L3MBTL1: variants seen among roughly 807,000 people sequenced by gnomAD.
The protein encoded by L3MBTL1 is lethal(3)malignant brain tumor-like protein 1.
Under a neutral mutation model 105.3 loss-of-function variants are expected in L3MBTL1, and 75 were observed. The observed-to-expected ratio is 0.71, with a 90% CI of 0.59 to 0.86. The LOEUF is 0.86. Among genes scored for constraint, L3MBTL1 ranks in the 40% least tolerant of loss-of-function variants. The pLI, the probability that L3MBTL1 is intolerant of heterozygous loss-of-function variation, is 0.00. For missense variants in L3MBTL1, 1,069 were observed against 1,126.4 expected, an observed-to-expected ratio of 0.95 and a Z score of 0.73; for synonymous variants, 452 against 436.2, an observed-to-expected ratio of 1.04 and a Z score of -0.45.
chr20:43,543,340 T>C (rs1489181341), downstream of L3MBTL1, among the ~76,000 whole-genome samples: 2 of 152,238 alleles, frequency 1.3e-5, no homozygotes, highest in Non-Finnish European at 2.9e-5. Flanking sequence ...CAAACCTTTC[T>C]GTCGGTTGAC....
chr20:43,523,559 G>C (rs1408129537), intron 7 of L3MBTL1: 3 of 254,290 alleles, frequency 1.2e-5, no homozygotes, highest in East Asian at 2.0e-4. Context: ...TAGTGGACCA[G>C]TATCCTGCGG....
At chr20:43,516,680 AC>A (rs1476275221) in intron 7 of L3MBTL1, among the ~76,000 whole-genome samples, 1 of 152,210 alleles carries the variant, frequency 6.6e-6, no homozygotes, top group Non-Finnish European at 1.5e-5. Context: ...TAAGTAGCAT[AC>A]TTGTAATCAC....
At chr20:43,527,585 T>A (rs1204923056) in intron 7 of L3MBTL1, among the ~76,000 whole-genome samples, 1 of 96,536 alleles carries the variant, frequency 1.0e-5, no homozygotes, top group Non-Finnish European at 2.2e-5. Flanking sequence ...AGGCTGTGTG[T>A]GTGCACATAG....
At chr20:43,522,639 A>G (rs1032668826) in intron 7 of L3MBTL1, among the ~76,000 whole-genome samples, 2 of 150,430 alleles carry the variant, frequency 1.3e-5, no homozygotes, top group African/African-American at 4.9e-5. Context: ...TGCCTGGCTA[A>G]TTTTTGTATT....
At position 43,532,777 on chromosome 20, in the gene L3MBTL1, C is replaced by G; in HGVS notation, c.1289C>G (p.Pro430Arg). The G allele has an allele frequency of 6.2e-7, 1 of 1,614,192 alleles. No homozygotes were observed. Among genetic ancestry groups the G allele is most frequent in the Middle Eastern group, 1.7e-4 (1 of 6,060 alleles). ...KHLFVSQSHS[P>R]PPLGFQVGMK... ...CAGCTCCTTTTTTTCCCCTAGAGTCCCCCACCCCTGGGCTTCCAGGTGGGC... is the reference window on the plus strand; with the variant it reads ...CAGCTCCTTTTTTTCCCCTAGAGTCGCCCACCCCTGGGCTTCCAGGTGGGC... Residue 430 changes from proline (P) to arginine (R), a missense_variant, in exon 12 of 22, where the codon CCC (proline) becomes CGC (arginine). Transcript: ENST00000418998.
chr20:43,545,730 T>A (rs1300944248), downstream of L3MBTL1, among the ~76,000 whole-genome samples: 1 of 152,212 alleles, frequency 6.6e-6, no homozygotes, highest in Non-Finnish European at 1.5e-5. Flanking sequence ...ATCTCATCGG[T>A]GTGTTTGGCT....
At chr20:43,540,860 C>T (rs267605941) in intron 21 of L3MBTL1, 45 bp downstream of exon 21, 8 of 1,612,922 alleles carry the variant, frequency 5.0e-6, no homozygotes, top group Admixed American at 1.7e-5. Context: ...GGGTCACTGT[C>T]CTTAAGACGG....
downstream of L3MBTL1, among the ~76,000 whole-genome samples, chr20:43,542,611 C>CAAAAA (rs5841503): frequency 2.6e-4 from 29 of 112,476 alleles, no homozygotes; most frequent in African/African-American, 4.0e-4. Flanking sequence ...AAAAATTTAA[C>CAAAAA]AAAAAAAAAA....
intron 9 of L3MBTL1, 31 bp from the exon 10 acceptor site, chr20:43,530,253 T>G (rs552026629): frequency 1.9e-6 from 3 of 1,612,986 alleles, no homozygotes; most frequent in Middle Eastern, 3.3e-4. Flanking sequence ...TCTCCTGACA[T>G]TGGAGTTCCT....
intron 7 of L3MBTL1, among the ~76,000 whole-genome samples, chr20:43,521,308 A>G (rs1338478609): frequency 1.3e-5 from 2 of 152,176 alleles, no homozygotes; most frequent in Non-Finnish European, 2.9e-5. Flanking sequence ...TTCTGTAGAC[A>G]TTGTAGTGAA....
intron 1 of L3MBTL1, among the ~76,000 whole-genome samples, chr20:43,512,974 T>C (rs1600889472): frequency 3.3e-5 from 5 of 152,272 alleles, no homozygotes; most frequent in East Asian, 1.9e-4. Flanking sequence ...TAAAAGAACA[T>C]GATCAGGAAA....
intron 11 of L3MBTL1, 86 bp from the exon 12 acceptor site, chr20:43,532,687 G>A: frequency 7.0e-7 from 1 of 1,426,192 alleles, no homozygotes. Context: ...CTTTCCTAGA[G>A]AACCTATTCC....
chr20:43,526,002 C>T (rs761157318), intron 7 of L3MBTL1, among the ~76,000 whole-genome samples: 1 of 151,988 alleles, frequency 6.6e-6, no homozygotes, highest in Non-Finnish European at 1.5e-5. Context: ...ATAGTACAGG[C>T]CCAGGGAGGG....
At chr20:43,514,830 G>A in intron 4 of L3MBTL1, 54 bp downstream of exon 4, 1 of 1,491,180 alleles carries the variant, frequency 6.7e-7, no homozygotes, top group South Asian at 1.3e-5. Context: ...GTGGGGCGAG[G>A]CCTGAGCCCC....
chr20:43,528,779 G>A (rs769480477), intron 8 of L3MBTL1, 34 bp downstream of exon 8: 2 of 1,532,540 alleles, frequency 1.3e-6, no homozygotes, highest in African/African-American at 2.7e-5. Context: ...GGAACAGCTT[G>A]TCTTCCTAGC....
chr20:43,508,682 C>T (rs1335508251), intron 1 of L3MBTL1, among the ~76,000 whole-genome samples: 1 of 152,220 alleles, frequency 6.6e-6, no homozygotes, highest in African/African-American at 2.4e-5. Context: ...TGTTTTAGGT[C>T]GGGTCCCCCG....
chr20:43,522,222 G>T (rs2018748775), intron 7 of L3MBTL1, among the ~76,000 whole-genome samples: 1 of 152,030 alleles, frequency 6.6e-6, no homozygotes, highest in Non-Finnish European at 1.5e-5. Flanking sequence ...AGGCGTGGTG[G>T]CGTGCCCCTG....
At chr20:43,508,814 G>C (rs1381805263) in intron 1 of L3MBTL1, among the ~76,000 whole-genome samples, 1 of 152,254 alleles carries the variant, frequency 6.6e-6, no homozygotes, top group Non-Finnish European at 1.5e-5. Flanking sequence ...AGTCTCAACA[G>C]AGGCCTCAGC....
At chr20:43,523,096 G>A (rs940577902) in intron 7 of L3MBTL1, among the ~76,000 whole-genome samples, 1 of 151,762 alleles carries the variant, frequency 6.6e-6, no homozygotes, top group Non-Finnish European at 1.5e-5. Context: ...GACAGAGTGA[G>A]ACCCTGTCTC....
Sources: gnomAD v4.1 joint callset for allele counts (sites outside exome capture counted in the v4.1 genomes callset) on GRCh38, gnomAD v4.1.1 for gene constraint, MANE v1.5 for transcripts, NCBI Gene and HGNC (gene_info 2026-07-23, HGNC 2026-07-21) for gene names.